Variants in GFRA1 observed in about 807,000 individuals in gnomAD.
GFRA1 encodes the protein GDNF family receptor alpha-1.
A neutral mutation model predicts 51.6 loss-of-function variants in GFRA1; 16 were observed. The observed-to-expected ratio is 0.31, with a 90% CI of 0.21 to 0.47. The LOEUF (loss-of-function observed/expected upper bound fraction) is 0.47, where lower values mean the gene tolerates loss of function less well. Among genes scored for constraint, GFRA1 ranks in the 20% least tolerant of loss-of-function variants. The pLI is 1.00. For synonymous variants in GFRA1, 270 were observed against 241.3 expected (o/e 1.12, Z -1.10); for missense variants, 530 against 594.3 (o/e 0.89, Z 1.13).
intron 6 of GFRA1, among the ~76,000 whole-genome samples, chr10:116,098,442 T>A (rs1329475658): frequency 6.6e-6 from 1 of 152,224 alleles, no homozygotes; most frequent in Non-Finnish European, 1.5e-5. Flanking sequence ...GGCTCGGGCT[T>A]ACTCAACTGG....
intron 4 of GFRA1, among the ~76,000 whole-genome samples, chr10:116,217,090 C>T (rs758391496): frequency 7.9e-5 from 12 of 152,240 alleles, no homozygotes; most frequent in African/African-American, 1.7e-4. Context: ...TGAGTACCCA[C>T]GGCACTCCAG....
rs543481764 is a variant in GFRA1, at chr10:116,239,453, G to T, written c.419-27808C>A. ...TGGGAAAATAAATAATGGAAATTTT[G>T]TTATTGATCTCACGCAGAGGCAGTG... On this transcript the variant is annotated intron_variant, in intron 4 of 10. Coordinates refer to ENST00000355422, the MANE Select transcript of GFRA1 (RefSeq NM_005264.8). Among the ~76,000 whole-genome samples, 42 of 152,244 alleles carry T rather than the reference G, an allele frequency of 2.8e-4. No individual in the cohort carries two copies. In the Middle Eastern group the frequency reaches 0.01, roughly 37 times the overall value.
intron 9 of GFRA1, among the ~76,000 whole-genome samples, chr10:116,066,134 T>C (rs1186060298): frequency 6.6e-6 from 1 of 152,222 alleles, no homozygotes; most frequent in Non-Finnish European, 1.5e-5. Context: ...CCTGGGCTTG[T>C]TTGTTTGTTC....
At chr10:116,094,041 A>G (rs1956470623) in intron 7 of GFRA1, among the ~76,000 whole-genome samples, 1 of 152,202 alleles carries the variant, frequency 6.6e-6, no homozygotes. Context: ...TACTTTAAAA[A>G]TTATAACAGA....
At position 116,060,462 on chromosome 10, in the gene GFRA1, C is replaced by T. The variant is rs1170830401; in HGVS notation, c.*3936G>A. ...GGTCCCTGTTCTGATCAGTAAGGAA[C>T]ATCAGCGGACTCTCAGATCCATTCA... On this transcript the variant is annotated 3_prime_UTR_variant, in exon 11 of 11. Coordinates refer to ENST00000355422, the MANE Select transcript of GFRA1 (RefSeq NM_005264.8). 6.6e-6 allele frequency: 1 copy of T among 152,212 alleles called. No homozygotes were observed. Among genetic ancestry groups the T allele is most frequent in the Non-Finnish European group, 1.5e-5 (1 of 68,046 alleles). 9.4% of individuals were successfully genotyped at this position (152,212 alleles called of 1,614,324 possible). A position where few individuals can be genotyped will look rare whatever the true frequency, so the allele number is the denominator to read the frequency against.
At chr10:116,220,084 G>A (rs1252614150) in intron 4 of GFRA1, among the ~76,000 whole-genome samples, 1 of 152,014 alleles carries the variant, frequency 6.6e-6, no homozygotes, top group East Asian at 1.9e-4. Context: ...GTAATCTTAT[G>A]CATGCTAAAT....
rs768280990 is a variant in GFRA1 at position 116,089,731 on chromosome 10, C to T, written c.1197+10G>A. 1 of 1,612,068 alleles carries T rather than the reference C, an allele frequency of 6.2e-7. No individual in the cohort carries two copies. The highest frequency in any genetic ancestry group is 8.5e-7 in the Non-Finnish European group (1 of 1,178,370). ...GGAGCCCCAGCAAGGAATCTGGACGCAGTTCTCACCTGTAAATTTGCACAC... is the reference window on the plus strand; with the variant it reads ...GGAGCCCCAGCAAGGAATCTGGACGTAGTTCTCACCTGTAAATTTGCACAC... On this transcript the variant is annotated intron_variant, in intron 9 of 10. Coordinates refer to ENST00000355422, the MANE Select transcript of GFRA1 (RefSeq NM_005264.8).
chr10:116,242,980 G>C (rs1015250593), intron 4 of GFRA1, among the ~76,000 whole-genome samples: 1 of 152,162 alleles, frequency 6.6e-6, no homozygotes, highest in Non-Finnish European at 1.5e-5. Context: ...AAATCAGCTA[G>C]AAAAACTACC....
In GFRA1 at chr10:116,064,124, T is replaced by G; in HGVS notation, c.*274A>C. On this transcript the variant is annotated 3_prime_UTR_variant, in exon 11 of 11. Coordinates refer to ENST00000355422, the MANE Select transcript of GFRA1 (RefSeq NM_005264.8). Reference sequence around the variant, plus strand: ...TCATCATCGAAAACACAGCCCCAGTTTGCTTTACAGCCCAAGTTACAAACT... The same window carrying G: ...TCATCATCGAAAACACAGCCCCAGTGTGCTTTACAGCCCAAGTTACAAACT... 2 of 367,056 alleles carry G rather than the reference T, an allele frequency of 5.4e-6. No homozygotes were observed. Among genetic ancestry groups the G allele is most frequent in the Non-Finnish European group, 1.0e-5 (2 of 197,314 alleles). 22.7% of individuals were successfully genotyped at this position (367,056 alleles called of 1,614,324 possible). A position where few individuals can be genotyped will look rare whatever the true frequency, so the allele number is the denominator to read the frequency against.
intron 6 of GFRA1, among the ~76,000 whole-genome samples, chr10:116,113,620 T>G (rs745724807): frequency 1.3e-5 from 2 of 152,144 alleles, no homozygotes; most frequent in Non-Finnish European, 2.9e-5. Context: ...AGGCACATTG[T>G]GTACAGAAAT....
intron 2 of GFRA1, 147 bp from the exon 3 acceptor site, chr10:116,271,262 T>A: frequency 1.6e-6 from 1 of 618,538 alleles, no homozygotes; most frequent in Non-Finnish European, 2.8e-6. Context: ...CTCTCGACCA[T>A]CCGGGAGTCC....
At chr10:116,262,340 C>G (rs901992175) in intron 4 of GFRA1, among the ~76,000 whole-genome samples, 7 of 152,164 alleles carry the variant, frequency 4.6e-5, no homozygotes, top group Non-Finnish European at 1.0e-4. Context: ...TGTACAGATA[C>G]TAGCATGTCC....
Position 116,272,395 on chromosome 10 carries a change from A to C in GFRA1, c.-246-120T>G. 5.5e-6 allele frequency: 2 copies of C among 363,390 alleles called. No individual in the cohort carries two copies. Among genetic ancestry groups the C allele is most frequent in the Non-Finnish European group, 1.0e-5 (2 of 193,276 alleles). The allele number at this position is 363,390 out of a possible 1,614,324, so 22.5% of individuals were successfully genotyped here. On this transcript the variant is annotated intron_variant, in intron 1 of 10. Transcript: ENST00000355422. The surrounding 1 kb of genome is among the most constrained non-coding windows in gnomAD (Gnocchi z 4.4). ...ATTTCCAACACCGGGGTGAGGACCC[A>C]CCCCCACCCAGGTCGGGGTGCATGT... is the stretch of plus-strand genomic sequence containing the variant.
At chr10:116,205,584 GGA>G (rs1565650177) in intron 5 of GFRA1, among the ~76,000 whole-genome samples, 6 of 70,622 alleles carry the variant, frequency 8.5e-5, no homozygotes, top group Non-Finnish European at 7.7e-5. Flanking sequence ...AAAAAAGAAA[GGA>G]AAAAAAAAAG....
At chr10:116,133,420 T>C (rs574559764) in intron 5 of GFRA1, among the ~76,000 whole-genome samples, 2 of 152,282 alleles carry the variant, frequency 1.3e-5, no homozygotes, top group Admixed American at 1.3e-4. Flanking sequence ...TCCCAAAACC[T>C]AGGACAAAAA....
intron 9 of GFRA1, among the ~76,000 whole-genome samples, chr10:116,085,782 A>C (rs1355275622): frequency 6.6e-6 from 1 of 152,206 alleles, no homozygotes; most frequent in African/African-American, 2.4e-5. Context: ...ATTACTGGCA[A>C]ACTGTCAGTC....
chr10:116,222,364 A>C (rs1174409017), intron 4 of GFRA1, among the ~76,000 whole-genome samples: 1 of 151,946 alleles, frequency 6.6e-6, no homozygotes, highest in Admixed American at 6.6e-5. Context: ...ACACCTGGCT[A>C]ATTTTTGTAT....
chr10:116,258,293 G>C (rs1969033994), intron 4 of GFRA1, among the ~76,000 whole-genome samples: 1 of 150,244 alleles, frequency 6.7e-6, no homozygotes, highest in African/African-American at 2.4e-5. Context: ...AACTGATAGA[G>C]ACTCTAAAAA....
intron 6 of GFRA1, among the ~76,000 whole-genome samples, chr10:116,116,096 CTCTTT>C (rs950900038): frequency 5.9e-5 from 9 of 152,004 alleles, no homozygotes; most frequent in African/African-American, 9.7e-5. Flanking sequence ...CTCTCTCTCT[CTCTTT>C]TTTCTTTTTT....
Sources: allele counts gnomAD v4.1 joint callset (sites outside exome capture counted in the v4.1 genomes callset), GRCh38; gene constraint gnomAD v4.1.1; non-coding constraint Gnocchi (gnomAD v3.1); transcripts MANE v1.5; gene names NCBI Gene and HGNC (gene_info 2026-07-23, HGNC 2026-07-21).